CMPK1: variants seen among roughly 807,000 people sequenced by gnomAD.
CMPK1 encodes cytidine/uridine monophosphate kinase 1.
CMPK1 carries 10 observed loss-of-function variants against 25.7 expected under a neutral mutation model. That is an observed-to-expected ratio of 0.39 (90% CI 0.24 to 0.66). The LOEUF (loss-of-function observed/expected upper bound fraction) is 0.66. Among genes scored for constraint, CMPK1 ranks in the 30% least tolerant of loss-of-function variants. The pLI, the probability that CMPK1 is intolerant of heterozygous loss-of-function variation, is 0.48. For synonymous variants in CMPK1, 106 were observed against 101.5 expected (o/e 1.04, Z -0.27); for missense variants, 199 against 280.5 (o/e 0.71, Z 2.08).
At chr1:47,344,170 C>A (rs1456094002) in intron 1 of CMPK1, among the ~76,000 whole-genome samples, 1 of 151,930 alleles carries the variant, frequency 6.6e-6, no homozygotes, top group East Asian at 1.9e-4. Context: ...ATGATAAATC[C>A]TATGATATAA....
At chr1:47,362,326 C>G (rs1353048660) in intron 1 of CMPK1, among the ~76,000 whole-genome samples, 4 of 150,876 alleles carry the variant, frequency 2.7e-5, no homozygotes, top group Admixed American at 6.6e-5. Context: ...CACACCACCA[C>G]GCCCGGCTAA....
intron 5 of CMPK1, among the ~76,000 whole-genome samples, chr1:47,376,025 A>C (rs1646705849): frequency 6.6e-6 from 1 of 152,142 alleles, no homozygotes; most frequent in African/African-American, 2.4e-5. Context: ...AGAACTAAGA[A>C]GATAAGCCAC....
At chr1:47,358,721 G>C (rs1646580615) in intron 1 of CMPK1, 19 of 985,122 alleles carry the variant, frequency 1.9e-5, no homozygotes, top group Non-Finnish European at 2.3e-5. Context: ...AGTTCTTTGT[G>C]TTTCTCCAAA....
intron 1 of CMPK1, among the ~76,000 whole-genome samples, chr1:47,348,067 C>T (rs1646497138): frequency 8.2e-6 from 1 of 121,416 alleles, no homozygotes; most frequent in Admixed American, 8.2e-5. Context: ...GATGCTAATG[C>T]AAAAGGATTG....
intron 1 of CMPK1, among the ~76,000 whole-genome samples, chr1:47,340,577 T>TATTA (rs1646434325): frequency 1.3e-5 from 2 of 152,152 alleles, no homozygotes; most frequent in Non-Finnish European, 2.9e-5. Flanking sequence ...AGAAACTAGA[T>TATTA]AGGAAAATCC....
chr1:47,335,636 C>CAAA (rs34856862), intron 1 of CMPK1, among the ~76,000 whole-genome samples: 8 of 75,266 alleles, frequency 1.1e-4, no homozygotes, highest in East Asian at 4.1e-4. Context: ...AACTCCGTCT[C>CAAA]AAAAAAAAAA....
chr1:47,376,714 A>G lies in CMPK1; in HGVS notation c.656A>G (p.Glu219Gly). The change falls in exon 6 of 6, where the codon GAA becomes GGA. Residue 219 changes from glutamate (E) to glycine (G), a missense_variant. By Grantham distance (98) the Glu-to-Gly change is moderately conservative. Transcript: ENST00000371873. ...CTTTTTCCTTTACAGGTTTTTGATG[A>G]AGTTGTGCAGATTTTTGACAAGGAA... is the stretch of plus-strand genomic sequence containing the variant. The part of the protein sequence containing the change: ...ASKSVDEVFD[E>G]VVQIFDKEG The G allele has an allele frequency of 1.3e-6, 2 of 1,582,944 alleles. No individual in the cohort carries two copies. Among genetic ancestry groups the G allele is most frequent in the Non-Finnish European group, 1.7e-6 (2 of 1,154,116 alleles).
At position 47,368,482 on chromosome 1, in the gene CMPK1, C is replaced by T; in HGVS notation, c.185C>T (p.Thr62Ile). The change falls in exon 2 of 6, where the codon ACA becomes ATA. Residue 62 changes from threonine to isoleucine, a missense_variant. By Grantham distance (89) the Thr-to-Ile change is moderately conservative (BLOSUM62 -1). Around this residue, in one of 2 missense-constraint regions of CMPK1, gnomAD observed 140 missense variants for 235.5 expected, o/e 0.59. Coordinates refer to ENST00000371873, the MANE Select transcript of CMPK1 (RefSeq NM_016308.3). ...TGCTTCTTTCAGAAATATGGCTACA[C>T]ACACCTTTCTGCAGGAGAGCTGCTT... Reference protein sequence around the residue: ...CARIVEKYGYTHLSAGELLRD... With the variant: ...CARIVEKYGYIHLSAGELLRD... 3 of 1,610,952 alleles carry T rather than the reference C, an allele frequency of 1.9e-6. No homozygotes were observed. Among genetic ancestry groups the T allele is most frequent in the Non-Finnish European group, 1.7e-6 (2 of 1,178,530 alleles).
chr1:47,368,461 T>G lies in CMPK1; in HGVS notation c.172-8T>G. The G allele has an allele frequency of 1.9e-6, 3 of 1,592,904 alleles. No individual in the cohort carries two copies. Among genetic ancestry groups the G allele is most frequent in the Non-Finnish European group, 2.6e-6 (3 of 1,170,678 alleles). On this transcript the variant is annotated splice_region_variant and splice_polypyrimidine_tract_variant and intron_variant, in intron 1 of 5. Transcript: ENST00000371873. Reference sequence around the variant, plus strand: ...TTCTGATATTTTTCCTATGTGTGCTTCTTTCAGAAATATGGCTACACACAC... The same window carrying G: ...TTCTGATATTTTTCCTATGTGTGCTGCTTTCAGAAATATGGCTACACACAC...
intron 1 of CMPK1, among the ~76,000 whole-genome samples, chr1:47,354,599 C>CTTTTTTTTTTTTTT (rs34592236): frequency 1.9e-5 from 2 of 105,474 alleles, no homozygotes; most frequent in African/African-American, 3.6e-5. Flanking sequence ...TTGTGACTTG[C>CTTTTTTTTTTTTTT]TTTTTTTTTT....
At chr1:47,368,804 T>A (rs561740917) in intron 2 of CMPK1, among the ~76,000 whole-genome samples, 189 bp downstream of exon 2, 3 of 152,110 alleles carry the variant, frequency 2.0e-5, no homozygotes, top group Admixed American at 6.6e-5. Context: ...TACAAAAAAA[T>A]TTTTTAAAAA....
At chr1:47,345,459 A>T (rs1646475672) in intron 1 of CMPK1, among the ~76,000 whole-genome samples, 1 of 151,920 alleles carries the variant, frequency 6.6e-6, no homozygotes, top group South Asian at 2.1e-4. Context: ...AGAAATTAGG[A>T]TAAAAAATTA....
intron 1 of CMPK1, among the ~76,000 whole-genome samples, chr1:47,351,301 G>A (rs779187342): frequency 2.6e-5 from 4 of 152,190 alleles, no homozygotes; most frequent in Non-Finnish European, 4.4e-5. Flanking sequence ...GGGTGGTCTC[G>A]ATCTCCTGAC....
intron 1 of CMPK1, among the ~76,000 whole-genome samples, chr1:47,355,844 A>C (rs1646557333): frequency 6.6e-6 from 1 of 152,028 alleles, no homozygotes; most frequent in Non-Finnish European, 1.5e-5. Flanking sequence ...ACCTCGGGTG[A>C]TTAGCCCACC....
chr1:47,356,702 C>A (rs917043085), intron 1 of CMPK1, among the ~76,000 whole-genome samples: 1 of 151,998 alleles, frequency 6.6e-6, no homozygotes. Context: ...GCTCTGTCAC[C>A]CAGGCTGAAG....
chr1:47,375,096 G>C, intron 4 of CMPK1, 101 bp from the exon 5 acceptor site: 1 of 1,250,424 alleles, frequency 8.0e-7, no homozygotes, highest in Non-Finnish European at 1.2e-6. Context: ...AAGATGTTAG[G>C]TCAATCAGTC....
At chr1:47,369,570 CT>C (rs1313035573) in intron 2 of CMPK1, among the ~76,000 whole-genome samples, 7 of 149,422 alleles carry the variant, frequency 4.7e-5, no homozygotes, top group Non-Finnish European at 6.0e-5. Context: ...TGCTTGCTTT[CT>C]TTTTTTTTTG....
intron 1 of CMPK1, among the ~76,000 whole-genome samples, chr1:47,345,662 T>G (rs1000246051): frequency 6.6e-6 from 1 of 150,948 alleles, no homozygotes; most frequent in Non-Finnish European, 1.5e-5. Context: ...CCCGGCTAAT[T>G]TTTTGTATTT....
intron 1 of CMPK1, among the ~76,000 whole-genome samples, chr1:47,346,606 C>T (rs1255401213): frequency 1.3e-5 from 2 of 151,650 alleles, no homozygotes; most frequent in African/African-American, 4.8e-5. Context: ...TGGGTTCAAG[C>T]AATTGTCCTG....
Sources: allele counts gnomAD v4.1 joint callset (sites outside exome capture counted in the v4.1 genomes callset), GRCh38; gene constraint gnomAD v4.1.1; regional missense constraint gnomAD v4.1.1; transcripts MANE v1.5; gene names NCBI Gene and HGNC (gene_info 2026-07-23, HGNC 2026-07-21).